DIPK1A: variants seen among roughly 807,000 people sequenced by gnomAD.
DIPK1A encodes the protein family with sequence similarity 69 member A.
A neutral mutation model predicts 40.8 loss-of-function variants in DIPK1A; 27 were observed. The observed-to-expected ratio is 0.66, with a 90% CI of 0.49 to 0.91. The LOEUF (loss-of-function observed/expected upper bound fraction) is 0.91, where lower values mean the gene tolerates loss of function less well. Ranked by LOEUF, DIPK1A falls within the 40% of genes least tolerant of loss-of-function variation. The pLI is 0.00. For synonymous variants in DIPK1A, 166 were observed against 171.3 expected (o/e 0.97, Z 0.24); for missense variants, 412 against 505.7 (o/e 0.81, Z 1.78).
At position 92,863,666 on chromosome 1, in the gene DIPK1A, T is replaced by C. The variant is rs114776604; in HGVS notation, c.189+12630A>G. ...TGTTAAGATTTCAAATAAATCTGTT[T>C]AATAGATTTTTTATAAGTTCATAAA... On this transcript the variant is annotated intron_variant, in intron 2 of 4. Transcript: ENST00000370310. Among the ~76,000 whole-genome samples the C allele has an allele frequency of 8.0e-3, 1,211 of 152,122 alleles. 10 individuals carry two copies. The highest frequency in any genetic ancestry group is 0.017 in the Middle Eastern group (5 of 294).
rs1418212044 is a variant in DIPK1A at position 92,895,166 on chromosome 1, C to T, written c.55-18736G>A. Among the ~76,000 whole-genome samples the T allele has an allele frequency of 4.0e-5, 6 of 151,750 alleles. 1 individual carries two copies. Among genetic ancestry groups the T allele is most frequent in the Admixed American group, 2.6e-4 (4 of 15,242 alleles). ...CTAACTTATTTTATGAGGCCAGCACCATCCTGATACCAAAGCCTGGCAGAG... is the reference window on the plus strand; with the variant it reads ...CTAACTTATTTTATGAGGCCAGCACTATCCTGATACCAAAGCCTGGCAGAG... On this transcript the variant is annotated intron_variant, in intron 1 of 4. Transcript: ENST00000370310.
intron 2 of DIPK1A, among the ~76,000 whole-genome samples, chr1:92,854,310 G>T (rs575485979): frequency 6.6e-6 from 1 of 152,290 alleles, no homozygotes; most frequent in East Asian, 1.9e-4. Flanking sequence ...TCCATTAAAA[G>T]ATAAGAAAAC....
intron 1 of DIPK1A, among the ~76,000 whole-genome samples, chr1:92,948,560 A>T (rs987920050): frequency 6.7e-6 from 1 of 149,454 alleles, no homozygotes; most frequent in Admixed American, 6.7e-5. Context: ...CTGGGATTAC[A>T]GGCATGAGCC....
chr1:92,895,140 C>T (rs1224589769), intron 1 of DIPK1A, among the ~76,000 whole-genome samples: 1 of 152,050 alleles, frequency 6.6e-6, no homozygotes, highest in African/African-American at 2.4e-5. Context: ...GGGAATCCTC[C>T]CTAACTTATT....
At chr1:92,922,333 C>CTTTTCT (rs1650301242) in intron 1 of DIPK1A, among the ~76,000 whole-genome samples, 3 of 144,644 alleles carry the variant, frequency 2.1e-5, no homozygotes, top group African/African-American at 5.1e-5. Context: ...TTTTTCTTTT[C>CTTTTCT]TTTTTTTTTT....
At chr1:92,925,704 C>T (rs1157492678) in intron 1 of DIPK1A, among the ~76,000 whole-genome samples, 5 of 152,054 alleles carry the variant, frequency 3.3e-5, no homozygotes, top group Non-Finnish European at 7.4e-5. Context: ...CCATGTTGGC[C>T]AGGCTGGTCT....
intron 1 of DIPK1A, among the ~76,000 whole-genome samples, chr1:92,960,850 G>GA (rs1652048578): frequency 6.6e-6 from 1 of 152,220 alleles, no homozygotes; most frequent in Non-Finnish European, 1.5e-5. Flanking sequence ...GGAGCCTGGG[G>GA]AAACACTGGT....
intron 1 of DIPK1A, among the ~76,000 whole-genome samples, chr1:92,895,193 C>T (rs1262606329): frequency 1.3e-5 from 2 of 151,688 alleles, no homozygotes; most frequent in Non-Finnish European, 2.9e-5. Flanking sequence ...CTGGCAGAGA[C>T]ACAACAAAAA....
Position 92,843,678 on chromosome 1 carries a change from C to T in DIPK1A, c.992G>A (p.Cys331Tyr). The T allele has an allele frequency of 1.3e-6, 2 of 1,551,764 alleles. No individual in the cohort carries two copies. The highest frequency in any genetic ancestry group is 1.7e-6 in the Non-Finnish European group (2 of 1,147,010). ...NLKELIKDRH[C>Y]ESDLDCVYGT... is the part of the protein sequence containing the mutation. ...ATAGACACAGTCCAAATCAGACTCACAGTGACGATCCTTAATAAGTTCTTT... is the reference window on the plus strand; with the variant it reads ...ATAGACACAGTCCAAATCAGACTCATAGTGACGATCCTTAATAAGTTCTTT... Residue 331 changes from cysteine (C) to tyrosine (Y), a missense_variant, in exon 5 of 5, where the codon TGT becomes TAT. Transcript: ENST00000370310.
At chr1:92,868,753 G>T (rs1015141898) in intron 2 of DIPK1A, among the ~76,000 whole-genome samples, 1 of 152,068 alleles carries the variant, frequency 6.6e-6, no homozygotes, top group Non-Finnish European at 1.5e-5. Context: ...ATCACCTGAG[G>T]TCAGGAGTTC....
In DIPK1A at chr1:92,832,919, A is replaced by C. The variant is rs1686965944; in HGVS notation, c.*101T>G. 26 of 678,930 alleles carry C rather than the reference A, an allele frequency of 3.8e-5. No homozygotes were observed. In the East Asian group the frequency reaches 7.0e-4, roughly 18 times the overall value. 42.1% of individuals were successfully genotyped at this position (678,930 alleles called of 1,614,324 possible). Reference sequence around the variant, plus strand: ...GAGAGAGGTACGTAGTTGTTATTTGAGGCTAGGTTTTCGAAGTGGGACATA... The same window carrying C: ...GAGAGAGGTACGTAGTTGTTATTTGCGGCTAGGTTTTCGAAGTGGGACATA... On this transcript the variant is annotated 3_prime_UTR_variant, in exon 5 of 5. Coordinates refer to the DIPK1A transcript ENST00000615519.
At chr1:92,958,698 G>A (rs1651940692) in intron 1 of DIPK1A, among the ~76,000 whole-genome samples, 1 of 152,166 alleles carries the variant, frequency 6.6e-6, no homozygotes. Context: ...AATCAAACTA[G>A]TTTCCCTCAT....
At chr1:92,912,357 G>T (rs957649043) in intron 1 of DIPK1A, among the ~76,000 whole-genome samples, 6 of 151,904 alleles carry the variant, frequency 3.9e-5, no homozygotes, top group Non-Finnish European at 7.4e-5. Flanking sequence ...TTTTTTATAT[G>T]ATTCATAACT....
At chr1:92,871,496 A>G (rs530227552) in intron 2 of DIPK1A, among the ~76,000 whole-genome samples, 2 of 151,962 alleles carry the variant, frequency 1.3e-5, no homozygotes, top group South Asian at 4.2e-4. Flanking sequence ...CATTTTTTCT[A>G]TGTTAGTTTG....
At chr1:92,878,581 G>A (rs565739397) in intron 1 of DIPK1A, among the ~76,000 whole-genome samples, 15 of 152,174 alleles carry the variant, frequency 9.9e-5, no homozygotes, top group Non-Finnish European at 2.1e-4. Flanking sequence ...AGCACTTTGG[G>A]AGGCCGAGGT....
chr1:92,948,731 ATATATATGTATATATACATATATATG>A (rs1255973049), intron 1 of DIPK1A, among the ~76,000 whole-genome samples: 7 of 134,486 alleles, frequency 5.2e-5, no homozygotes, highest in Non-Finnish European at 9.8e-5. Context: ...TTTATATTTA[ATATATATGTATATATACATATATATG>A]TATATATATG....
At chr1:92,837,437 A>T, downstream of DIPK1A, 1 of 1,606,720 alleles carries the variant, frequency 6.2e-7, no homozygotes, top group Non-Finnish European at 8.5e-7. Flanking sequence ...ATACTAAAAT[A>T]TGAATAACTT....
Position 92,869,826 on chromosome 1 carries a change from G to A in DIPK1A, c.189+6470C>T, listed in dbSNP as rs574493093. Among the ~76,000 whole-genome samples the A allele has an allele frequency of 1.2e-3, 183 of 152,176 alleles. 1 individual carries two copies. The highest frequency in any genetic ancestry group is 4.2e-3 in the African/African-American group (176 of 41,538). On this transcript the variant is annotated intron_variant, in intron 2 of 4. Coordinates refer to ENST00000370310, the MANE Select transcript of DIPK1A (RefSeq NM_001006605.5). ...TCCACTTAAAAAAAGAACAGTCCAT[G>A]CACTAATACAGAGGGAGAGAGGCAA... is the stretch of plus-strand genomic sequence containing the variant.
intron 4 of DIPK1A, among the ~76,000 whole-genome samples, chr1:92,845,705 G>A (rs1237094589): frequency 3.3e-5 from 5 of 151,586 alleles, no homozygotes; most frequent in African/African-American, 1.2e-4. Flanking sequence ...GTGTGGTGGC[G>A]GGTGCCTGTA....
Sources: allele counts gnomAD v4.1 joint callset (sites outside exome capture counted in the v4.1 genomes callset), GRCh38; gene constraint gnomAD v4.1.1; transcripts MANE v1.5; gene names NCBI Gene and HGNC (gene_info 2026-07-23, HGNC 2026-07-21).